Variants in CKAP5 observed in about 807,000 individuals in gnomAD.
CKAP5 encodes cytoskeleton associated protein 5.
Under a neutral mutation model 232.8 loss-of-function variants are expected in CKAP5, and 27 were observed. The observed-to-expected ratio is 0.12, with a 90% confidence interval of 0.09 to 0.16. CKAP5 has a LOEUF of 0.16. Among genes scored for constraint, CKAP5 ranks in the 10% least tolerant of loss-of-function variants. The pLI is 1.00. For missense variants in CKAP5, 1,838 were observed against 2,424.7 expected, an observed-to-expected ratio of 0.76 and a Z score of 5.08; for synonymous variants, 785 against 841.1, an observed-to-expected ratio of 0.93 and a Z score of 1.16.
intron 1 of CKAP5, among the ~76,000 whole-genome samples, chr11:46,822,245 C>T (rs1042089890): frequency 6.6e-6 from 1 of 152,032 alleles, no homozygotes; most frequent in African/African-American, 2.4e-5. Flanking sequence ...CATGCCACTA[C>T]ACTCCAGCAT....
In CKAP5 at chr11:46,790,564, T is replaced by A; in HGVS notation, c.1670A>T (p.Lys557Met). 1 of 1,611,868 alleles carries A rather than the reference T, an allele frequency of 6.2e-7. No homozygotes were observed. Among genetic ancestry groups the A allele is most frequent in the Non-Finnish European group, 8.5e-7 (1 of 1,178,304 alleles). The change falls in exon 14 of 44, where the codon AAG becomes ATG. Residue 557 changes from lysine (K) to methionine (M), a missense_variant. This residue lies in a region of CKAP5 where 767 missense variants were observed against 954.6 expected (regional missense o/e 0.80). Transcript: ENST00000529230. ...GCCTCCTGGTGCAGCTGGTTTCCCC[T>A]TTTTTGGTGGCCCACCAGCCTAAAA... Reference protein sequence around the residue: ...PAAKAGGPPKKGKPAAPGGAG... With the variant: ...PAAKAGGPPKMGKPAAPGGAG...
At chr11:46,831,917 T>G (rs1457512209) in intron 1 of CKAP5, among the ~76,000 whole-genome samples, 2 of 147,990 alleles carry the variant, frequency 1.4e-5, no homozygotes, top group African/African-American at 2.5e-5. Context: ...GAGGCTGGCG[T>G]GCAGTAGCAG....
intron 1 of CKAP5, among the ~76,000 whole-genome samples, chr11:46,836,398 G>C (rs1011605332): frequency 1.3e-5 from 2 of 152,166 alleles, no homozygotes; most frequent in Admixed American, 6.5e-5. Flanking sequence ...GTAATGTCGT[G>C]AAAACGAATA....
intron 32 of CKAP5, among the ~76,000 whole-genome samples, 193 bp downstream of exon 32, chr11:46,761,807 C>A (rs941304714): frequency 6.6e-6 from 1 of 152,160 alleles, no homozygotes; most frequent in Non-Finnish European, 1.5e-5. Context: ...GAAAAGAAAA[C>A]TTGATTTCCA....
chr11:46,832,711 T>C (rs912156991), intron 1 of CKAP5, among the ~76,000 whole-genome samples: 1 of 152,226 alleles, frequency 6.6e-6, no homozygotes, highest in African/African-American at 2.4e-5. Flanking sequence ...AATGAGGCAA[T>C]TGAGGCAAAC....
intron 18 of CKAP5, 130 bp from the exon 19 acceptor site, chr11:46,780,615 CTTTA>C: frequency 1.4e-6 from 1 of 693,584 alleles, no homozygotes; most frequent in South Asian, 1.8e-5. Context: ...CCTACACTAA[CTTTA>C]TTTTATTTTA....
At chr11:46,782,495 G>T (rs146956073) in intron 18 of CKAP5, among the ~76,000 whole-genome samples, 12 of 152,284 alleles carry the variant, frequency 7.9e-5, no homozygotes, top group Admixed American at 4.6e-4. Flanking sequence ...GTAACTTCTA[G>T]AGTAGTGTTT....
chr11:46,840,889 G>C (rs1393865929), intron 1 of CKAP5, among the ~76,000 whole-genome samples: 1 of 152,098 alleles, frequency 6.6e-6, no homozygotes, highest in Non-Finnish European at 1.5e-5. Context: ...AAAAAACCTG[G>C]GGCTTCAGAT....
At position 46,790,535 on chromosome 11, in the gene CKAP5, C is replaced by T; in HGVS notation, c.1699G>A (p.Gly567Arg). 6.2e-7 allele frequency: 1 copy of T among 1,614,136 alleles called. No individual in the cohort carries two copies. Among genetic ancestry groups the T allele is most frequent in the East Asian group, 2.2e-5 (1 of 44,886 alleles). ...KGKPAAPGGA[G>R]NTGTKNKKGL... ...TTCTTGTTCTTGGTTCCAGTATTCCCTGCGCCTCCTGGTGCAGCTGGTTTC... is the reference window on the plus strand; with the variant it reads ...TTCTTGTTCTTGGTTCCAGTATTCCTTGCGCCTCCTGGTGCAGCTGGTTTC... The change falls in exon 14 of 44, where the codon GGG (glycine) becomes AGG (arginine). Residue 567 changes from glycine (G) to arginine (R), a missense_variant. Physicochemically the swap from Gly to Arg is moderately radical, Grantham distance 125. Around this residue, in one of 6 missense-constraint regions of CKAP5, gnomAD observed 767 missense variants for 954.6 expected, o/e 0.80. Coordinates refer to ENST00000529230, the MANE Select transcript of CKAP5 (RefSeq NM_001008938.4).
intron 35 of CKAP5, among the ~76,000 whole-genome samples, chr11:46,758,225 T>A (rs2065125626): frequency 6.6e-6 from 1 of 152,064 alleles, no homozygotes; most frequent in African/African-American, 2.4e-5. Flanking sequence ...ACATGAACCT[T>A]CTCTTATTTC....
intron 1 of CKAP5, among the ~76,000 whole-genome samples, chr11:46,830,073 T>C (rs1339151970): frequency 1.3e-5 from 2 of 152,064 alleles, no homozygotes; most frequent in Non-Finnish European, 2.9e-5. Context: ...GGCAATCACA[T>C]ATATCATTAT....
At chr11:46,814,137 A>AG (rs1273831029) in intron 4 of CKAP5, among the ~76,000 whole-genome samples, 1 of 148,714 alleles carries the variant, frequency 6.7e-6, no homozygotes, top group African/African-American at 2.4e-5. Context: ...GTCTCAAAAA[A>AG]AAAAAAAAAA....
At chr11:46,756,256 A>G (rs945482687) in intron 35 of CKAP5, among the ~76,000 whole-genome samples, 10 of 152,054 alleles carry the variant, frequency 6.6e-5, no homozygotes, top group Non-Finnish European at 1.0e-4. Flanking sequence ...GTGGCACATA[A>G]TATCTTTCAT....
chr11:46,836,723 T>C (rs1044003850), intron 1 of CKAP5, among the ~76,000 whole-genome samples: 6 of 152,206 alleles, frequency 3.9e-5, no homozygotes, highest in African/African-American at 1.4e-4. Flanking sequence ...GGCAGTTTCT[T>C]ACAAAACTAT....
chr11:46,818,347 C>A lies in CKAP5; in HGVS notation c.214G>T (p.Ala72Ser). ...AVVQLKGLEA[A>S]LVYVENAHVA... ...TGGGCATTTTCAACATAAACAAGTG[C>A]AGCTTCTAATCCTTTCAATTGAACC... The change falls in exon 3 of 44, where the codon GCA (alanine) becomes TCA (serine). Residue 72 changes from alanine (A) to serine (S), a missense_variant. Coordinates refer to ENST00000529230, the MANE Select transcript of CKAP5 (RefSeq NM_001008938.4). 1 of 1,599,710 alleles carries A rather than the reference C, an allele frequency of 6.3e-7. No homozygotes were observed. Among genetic ancestry groups the A allele is most frequent in the Non-Finnish European group, 8.5e-7 (1 of 1,175,956 alleles).
At chr11:46,844,029 T>C (rs1205778911) in intron 1 of CKAP5, among the ~76,000 whole-genome samples, 3 of 152,106 alleles carry the variant, frequency 2.0e-5, no homozygotes, top group East Asian at 3.9e-4. Flanking sequence ...GAGACCAGCC[T>C]GGCCAACATA....
Position 46,787,370 on chromosome 11 carries a change from C to A in CKAP5, c.1968+1311G>T, listed in dbSNP as rs186903107. Among the ~76,000 whole-genome samples the A allele has an allele frequency of 2.8e-3, 421 of 152,220 alleles. 2 individuals are homozygous for A. Among genetic ancestry groups the A allele is most frequent in the African/African-American group, 9.6e-3 (399 of 41,546 alleles). On this transcript the variant is annotated intron_variant, in intron 16 of 43. Transcript: ENST00000529230. ...AGACTAGCAGGATGCCAATAATAAA[C>A]CTGATACATTTCAAGTTTGTTTAGC... is the stretch of plus-strand genomic sequence containing the variant.
rs1348728751 is a variant in CKAP5, at chr11:46,797,119, C to T, written c.1339-179G>A. Among the ~76,000 whole-genome samples the T allele has an allele frequency of 2.0e-5, 3 of 152,152 alleles. No individual in the cohort carries two copies. The East Asian group carries it at 5.8e-4, about 29-fold the overall frequency. On this transcript the variant is annotated intron_variant, in intron 11 of 43. Coordinates refer to ENST00000529230, the MANE Select transcript of CKAP5 (RefSeq NM_001008938.4). ...TTTCAAAAATTCTTTTTGGGCCAGG[C>T]ACAGTGGTTCATGCCTGTAATCCCA... is the stretch of plus-strand genomic sequence containing the variant.
In CKAP5 at chr11:46,743,142, T is replaced by C. The variant is rs1211516824; in HGVS notation, c.*881A>G. ...ACCACTAAGATTTCCCAAACTCCAT[T>C]AGTCAAATGAACACAAATCTAGTTG... On this transcript the variant is annotated 3_prime_UTR_variant, in exon 44 of 44. Coordinates refer to ENST00000529230, the MANE Select transcript of CKAP5 (RefSeq NM_001008938.4). 2.0e-5 allele frequency: 3 copies of C among 152,142 alleles called. No individual in the cohort carries two copies. Among genetic ancestry groups the C allele is most frequent in the Non-Finnish European group, 2.9e-5 (2 of 68,020 alleles). 9.4% of individuals were successfully genotyped at this position (152,142 alleles called of 1,614,324 possible). A position where few individuals can be genotyped will look rare whatever the true frequency, so the allele number is the denominator to read the frequency against.
Sources: allele counts gnomAD v4.1 joint callset (sites outside exome capture counted in the v4.1 genomes callset), GRCh38; gene constraint gnomAD v4.1.1; regional missense constraint gnomAD v4.1.1; transcripts MANE v1.5; gene names NCBI Gene and HGNC (gene_info 2026-07-23, HGNC 2026-07-21).